PDE8A: variants seen among roughly 807,000 people sequenced by gnomAD.
PDE8A encodes the protein phosphodiesterase 8A.
A neutral mutation model predicts 105.0 loss-of-function variants in PDE8A; 59 were observed. The observed-to-expected ratio is 0.56, with a 90% CI of 0.46 to 0.70. The LOEUF is 0.70. Ranked by LOEUF, PDE8A falls within the 30% of genes least tolerant of loss-of-function variation. The pLI is 0.00. For missense variants in PDE8A, 1,014 were observed against 1,045.9 expected, an observed-to-expected ratio of 0.97 and a Z score of 0.42; for synonymous variants, 355 against 371.9, an observed-to-expected ratio of 0.95 and a Z score of 0.52.
chr15:84,988,569 C>T (rs2079839309), intron 1 of PDE8A, among the ~76,000 whole-genome samples: 1 of 152,176 alleles, frequency 6.6e-6, no homozygotes, highest in African/African-American at 2.4e-5. Flanking sequence ...CTTTCTCCTG[C>T]TCAGGTTTCA....
chr15:84,990,271 G>A (rs535636066), intron 1 of PDE8A, among the ~76,000 whole-genome samples: 1 of 152,176 alleles, frequency 6.6e-6, no homozygotes, highest in Non-Finnish European at 1.5e-5. Flanking sequence ...TAAATTTTAT[G>A]TGTACCATTT....
chr15:85,114,465 C>T (rs2082065183), intron 14 of PDE8A, among the ~76,000 whole-genome samples: 1 of 152,166 alleles, frequency 6.6e-6, no homozygotes, highest in South Asian at 2.1e-4. Context: ...GCATCCCACA[C>T]ACATTTAGAT....
chr15:85,043,577 G>A (rs1254278208), intron 1 of PDE8A, among the ~76,000 whole-genome samples: 1 of 152,060 alleles, frequency 6.6e-6, no homozygotes, highest in Admixed American at 6.5e-5. Context: ...TTAACATTTC[G>A]GGAAAACTTA....
At chr15:85,116,406 A>G in intron 16 of PDE8A, 1 of 375,454 alleles carries the variant, frequency 2.7e-6, no homozygotes, top group Non-Finnish European at 4.9e-6. Context: ...TGTAGGTGGT[A>G]ATATGTTAAG....
chr15:85,048,873 G>A (rs970577643), intron 1 of PDE8A, among the ~76,000 whole-genome samples: 1 of 152,326 alleles, frequency 6.6e-6, no homozygotes, highest in East Asian at 1.9e-4. Context: ...GGCCAAGGCA[G>A]ACAGATCACT....
intron 1 of PDE8A, among the ~76,000 whole-genome samples, chr15:84,993,245 C>T (rs528008155): frequency 6.0e-5 from 9 of 150,894 alleles, no homozygotes; most frequent in East Asian, 4.0e-4. Flanking sequence ...AGATCAAGAC[C>T]ATCCTGGCTA....
intron 8 of PDE8A, among the ~76,000 whole-genome samples, chr15:85,091,521 AAC>A (rs777558971): frequency 6.6e-6 from 1 of 152,244 alleles, no homozygotes; most frequent in Non-Finnish European, 1.5e-5. Context: ...CCAGTAAGGC[AAC>A]ACATTCTCAG....
chr15:85,071,788 G>T (rs1567265536), intron 3 of PDE8A, among the ~76,000 whole-genome samples: 1 of 152,148 alleles, frequency 6.6e-6, no homozygotes, highest in African/African-American at 2.4e-5. Flanking sequence ...TGCATTCAGG[G>T]GTGTGTAAAC....
At chr15:85,135,070 A>G (rs1031969175) in intron 20 of PDE8A, among the ~76,000 whole-genome samples, 22 of 152,138 alleles carry the variant, frequency 1.4e-4, no homozygotes, top group African/African-American at 5.1e-4. Flanking sequence ...GAGTGCAAGC[A>G]TGGGAACGTT....
intron 1 of PDE8A, among the ~76,000 whole-genome samples, chr15:85,043,453 C>A (rs1393168953): frequency 6.6e-6 from 1 of 152,122 alleles, no homozygotes; most frequent in Non-Finnish European, 1.5e-5. Flanking sequence ...TGAGGATCCT[C>A]AGATCTCAGT....
At chr15:84,993,260 G>T (rs147021838) in intron 1 of PDE8A, among the ~76,000 whole-genome samples, 4 of 151,420 alleles carry the variant, frequency 2.6e-5, no homozygotes, top group Admixed American at 1.3e-4. Flanking sequence ...TGGCTAACAC[G>T]GTGAAACCCC....
At chr15:84,999,823 C>G (rs1057089328) in intron 1 of PDE8A, among the ~76,000 whole-genome samples, 9 of 152,182 alleles carry the variant, frequency 5.9e-5, no homozygotes, top group African/African-American at 2.2e-4. Context: ...ATTCACCTGC[C>G]TCGGCCTCCC....
At chr15:85,078,901 T>C (rs1438683506) in intron 5 of PDE8A, among the ~76,000 whole-genome samples, 1 of 152,228 alleles carries the variant, frequency 6.6e-6, no homozygotes, top group East Asian at 1.9e-4. Flanking sequence ...AGCCAAGTTA[T>C]TGTTTAACCT....
intron 12 of PDE8A, among the ~76,000 whole-genome samples, chr15:85,111,511 C>T (rs557391141): frequency 7.2e-5 from 11 of 152,254 alleles, no homozygotes; most frequent in African/African-American, 2.2e-4. Flanking sequence ...CAGCTTACTA[C>T]GAATATGTGA....
At chr15:85,025,805 G>T (rs2080506827) in intron 1 of PDE8A, among the ~76,000 whole-genome samples, 1 of 152,194 alleles carries the variant, frequency 6.6e-6, no homozygotes, top group South Asian at 2.1e-4. Context: ...TCCTTAGGAA[G>T]CCAGGAACAC....
intron 11 of PDE8A, among the ~76,000 whole-genome samples, chr15:85,106,939 A>G (rs952614654): frequency 5.3e-5 from 8 of 152,184 alleles, no homozygotes; most frequent in African/African-American, 1.7e-4. Flanking sequence ...TTGAGCTTCT[A>G]TACACATATG....
intron 1 of PDE8A, among the ~76,000 whole-genome samples, chr15:85,028,011 G>A (rs2080546910): frequency 6.6e-6 from 1 of 152,124 alleles, no homozygotes; most frequent in Non-Finnish European, 1.5e-5. Context: ...AACGCTTAAC[G>A]TTGCTGGCAA....
chr15:85,053,435 G>A (rs1227228933), intron 1 of PDE8A, among the ~76,000 whole-genome samples: 9 of 152,166 alleles, frequency 5.9e-5, no homozygotes, highest in African/African-American at 1.9e-4. Context: ...TCACGATATT[G>A]ATTCTTCCTA....
intron 11 of PDE8A, among the ~76,000 whole-genome samples, chr15:85,106,790 G>T (rs1214389401): frequency 1.3e-5 from 2 of 152,220 alleles, no homozygotes; most frequent in Admixed American, 6.5e-5. Context: ...ACCTGCCCTT[G>T]AATGCCAGGA....
Sources: gnomAD v4.1 joint callset for allele counts (sites outside exome capture counted in the v4.1 genomes callset) on GRCh38, gnomAD v4.1.1 for gene constraint, MANE v1.5 for transcripts, NCBI Gene and HGNC (gene_info 2026-07-23, HGNC 2026-07-21) for gene names.